The following PHACTR2 variants were observed in gnomAD, a reference collection of about 807,000 sequenced individuals.
The protein encoded by PHACTR2 is phosphatase and actin regulator 2.
Under a neutral mutation model 76.0 loss-of-function variants are expected in PHACTR2, and 30 were observed. The ratio of observed to expected loss-of-function variants is 0.39; its 90% confidence interval spans 0.30 to 0.54. The LOEUF (loss-of-function observed/expected upper bound fraction) is 0.54. PHACTR2 is among the 20% of genes least tolerant of loss of function. PHACTR2 has a pLI of 0.61. For missense variants in PHACTR2, 696 were observed against 781.1 expected, an observed-to-expected ratio of 0.89 and a Z score of 1.30; for synonymous variants, 292 against 292.5, an observed-to-expected ratio of 1.00 and a Z score of 0.02.
At chr6:143,797,793 G>T (rs1007589192) in intron 11 of PHACTR2, among the ~76,000 whole-genome samples, 1 of 152,166 alleles carries the variant, frequency 6.6e-6, no homozygotes, top group Non-Finnish European at 1.5e-5. Context: ...ATGCTGTTTT[G>T]GTTACTGTAG....
At chr6:143,715,500 C>T (rs888760767) in intron 2 of PHACTR2, among the ~76,000 whole-genome samples, 1 of 152,206 alleles carries the variant, frequency 6.6e-6, no homozygotes, top group African/African-American at 2.4e-5. Flanking sequence ...AGCATGTTAA[C>T]TCAAAATCCA....
intron 1 of PHACTR2, among the ~76,000 whole-genome samples, chr6:143,622,164 G>A (rs778827219): frequency 3.3e-5 from 5 of 152,116 alleles, no homozygotes; most frequent in Non-Finnish European, 5.9e-5. Context: ...AATGGAGGTG[G>A]ACAGCTAGGT....
chr6:143,681,372 G>A (rs1777384778), intron 1 of PHACTR2, among the ~76,000 whole-genome samples: 1 of 151,822 alleles, frequency 6.6e-6, no homozygotes, highest in Non-Finnish European at 1.5e-5. Context: ...ATCTTTTCAT[G>A]TGCTATTGGC....
chr6:143,577,768 G>A (rs1387525548), intron 1 of PHACTR2, among the ~76,000 whole-genome samples: 4 of 123,364 alleles, frequency 3.2e-5, no homozygotes, highest in Admixed American at 7.6e-5. Context: ...CCATATCGTC[G>A]ATGGAAAAAA....
chr6:143,713,705 T>G (rs1054772294), intron 2 of PHACTR2, among the ~76,000 whole-genome samples: 7 of 152,178 alleles, frequency 4.6e-5, no homozygotes. Flanking sequence ...GATTCTGTTG[T>G]TGGTCTCCAG....
intron 6 of PHACTR2, among the ~76,000 whole-genome samples, chr6:143,771,168 ATATATGTATATATATATATATGTG>A (rs1775108898): frequency 1.8e-4 from 5 of 28,034 alleles, no homozygotes; most frequent in African/African-American, 9.4e-4. Context: ...GTATATATAT[ATATATGTATATATATATATATGTG>A]TGTATATATA....
chr6:143,571,561 G>A lies in PHACTR2; in HGVS notation c.217+34354G>A, dbSNP rs1412292526. On this transcript the variant is annotated intron_variant, in intron 1 of 11. Coordinates refer to the PHACTR2 transcript ENST00000367584. The surrounding 1 kb of genome is among the most constrained non-coding windows in gnomAD (Gnocchi z 4.6). ...GCAGCTGGGACTACAGGTGTGCACTGCCACACCTGGTTAATTTTTTTTAAA... is the reference window on the plus strand; with the variant it reads ...GCAGCTGGGACTACAGGTGTGCACTACCACACCTGGTTAATTTTTTTTAAA... Among the ~76,000 whole-genome samples the A allele has an allele frequency of 2.0e-5, 3 of 151,968 alleles. No individual in the cohort carries two copies. The highest frequency in any genetic ancestry group is 7.3e-5 in the African/African-American group (3 of 41,318).
At chr6:143,673,949 C>T (rs1400847402), upstream of PHACTR2, among the ~76,000 whole-genome samples, 1 of 152,110 alleles carries the variant, frequency 6.6e-6, no homozygotes, top group East Asian at 1.9e-4. Context: ...GCCTGTCTTT[C>T]AGGTTTGTTT....
At position 143,608,587 on chromosome 6, in the gene PHACTR2, T is replaced by C. The variant is rs1359864228; in HGVS notation, c.13+265T>C. Among the ~76,000 whole-genome samples the C allele has an allele frequency of 1.3e-5, 2 of 152,178 alleles. No homozygotes were observed. The highest frequency in any genetic ancestry group is 4.8e-5 in the African/African-American group (2 of 41,432). The stretch of plus-strand genomic sequence containing the variant: ...ATTTAGGCTGAAGCAAGTGTGGTGT[T>C]TGATTCTTTTGTGCTCAGAGCGATG... On this transcript the variant is annotated intron_variant, in intron 1 of 11. Transcript: ENST00000305766. This position sits in a 1 kb window ranked among gnomAD's most constrained non-coding sequence, Gnocchi z 4.6.
rs911937851 is a variant in PHACTR2 at position 143,678,591 on chromosome 6, A to C, written c.46+382A>C. ...TTTCTGTATTTACGCTTGGCTTCCG[A>C]ACAGACTAGGACTGAATGCTTTCAA... On this transcript the variant is annotated intron_variant, in intron 1 of 12. Transcript: ENST00000440869. The surrounding 1 kb of genome is among the most constrained non-coding windows in gnomAD (Gnocchi z 6.2). Among the ~76,000 whole-genome samples, 3 of 152,240 alleles carry C rather than the reference A, an allele frequency of 2.0e-5. No homozygotes were observed. The highest frequency in any genetic ancestry group is 4.8e-5 in the African/African-American group (2 of 41,462).
rs766256587 is a variant in PHACTR2, at chr6:143,819,109, A to G, written c.1923-4565A>G. Among the ~76,000 whole-genome samples, 3 of 152,130 alleles carry G rather than the reference A, an allele frequency of 2.0e-5. No individual in the cohort carries two copies. The highest frequency in any genetic ancestry group is 4.4e-5 in the Non-Finnish European group (3 of 68,032). ...ATAGAATTATTTATAGAGCTAACAA[A>G]TAACTTCCTAGATACCCCTGTGTAT... On this transcript the variant is annotated intron_variant, in intron 12 of 12. Transcript: ENST00000440869. The surrounding 1 kb of genome is among the most constrained non-coding windows in gnomAD (Gnocchi z 5.0).
Position 143,627,749 on chromosome 6 carries a change from G to A in PHACTR2, c.13+19427G>A, listed in dbSNP as rs370627774. On this transcript the variant is annotated intron_variant, in intron 1 of 11. Coordinates refer to the PHACTR2 transcript ENST00000305766. This position sits in a 1 kb window ranked among gnomAD's most constrained non-coding sequence, Gnocchi z 4.3. ...CTCTAGTAGCTGGGACTACAGGCTC[G>A]TACCGCCACGCCCAGCTAATTTTTT... Among the ~76,000 whole-genome samples, 259 of 151,996 alleles carry A rather than the reference G, an allele frequency of 1.7e-3. 1 individual carries two copies. The highest frequency in any genetic ancestry group is 3.3e-3 in the Non-Finnish European group (227 of 67,958).
In PHACTR2 at chr6:143,777,221, A is replaced by G. The variant is rs886606265; in HGVS notation, c.1590-107A>G. 1 of 608,542 alleles carries G rather than the reference A, an allele frequency of 1.6e-6. No homozygotes were observed. The highest frequency in any genetic ancestry group is 2.8e-6 in the Non-Finnish European group (1 of 351,736). 37.7% of individuals were successfully genotyped at this position (608,542 alleles called of 1,614,324 possible). ...TTTTATTTTGCAGCTTTAAAAATGGATTTTTATTTCTCAAAACATGAAAAA... is the reference window on the plus strand; with the variant it reads ...TTTTATTTTGCAGCTTTAAAAATGGGTTTTTATTTCTCAAAACATGAAAAA... On this transcript the variant is annotated intron_variant, in intron 8 of 12. Coordinates refer to ENST00000440869, the MANE Select transcript of PHACTR2 (RefSeq NM_001100164.2). This position sits in a 1 kb window ranked among gnomAD's most constrained non-coding sequence, Gnocchi z 4.6.
chr6:143,636,834 G>A (rs114029567), intron 1 of PHACTR2, among the ~76,000 whole-genome samples: 218 of 152,320 alleles, frequency 1.4e-3, no homozygotes, highest in African/African-American at 4.6e-3. Flanking sequence ...TGGCTTCAAA[G>A]TCATTCATTA....
Position 143,775,989 on chromosome 6 carries a change from G to A in PHACTR2, c.1590-1339G>A, listed in dbSNP as rs1304910627. On this transcript the variant is annotated intron_variant, in intron 8 of 12. Coordinates refer to ENST00000440869, the MANE Select transcript of PHACTR2 (RefSeq NM_001100164.2). This position sits in a 1 kb window ranked among gnomAD's most constrained non-coding sequence, Gnocchi z 4.4. The stretch of plus-strand genomic sequence containing the variant: ...CTACTAAAAATACAAATATTAGCCA[G>A]CTATGATGACTGGCACCTGTAATCC... Among the ~76,000 whole-genome samples, 1 of 152,120 alleles carries A rather than the reference G, an allele frequency of 6.6e-6. No homozygotes were observed. The highest frequency in any genetic ancestry group is 1.5e-5 in the Non-Finnish European group (1 of 68,022).
chr6:143,691,158 T>C (rs895390503), intron 1 of PHACTR2, among the ~76,000 whole-genome samples: 3 of 152,164 alleles, frequency 2.0e-5, no homozygotes, highest in Non-Finnish European at 2.9e-5. Context: ...GGAAAACAAA[T>C]TATAGGTTAG....
rs1775782458 is a variant in PHACTR2 at position 143,598,964 on chromosome 6, A to AGC, written c.217+61757_217+61758insGC. The stretch of plus-strand genomic sequence containing the variant: ...TAGTAGATTAGTCCTTTGTAATTAA[A>AGC]TTTAGATAGCATCTCACCCCTGACT... On this transcript the variant is annotated intron_variant, in intron 1 of 11. Coordinates refer to the PHACTR2 transcript ENST00000367584. The surrounding 1 kb of genome is among the most constrained non-coding windows in gnomAD (Gnocchi z 4.1). Among the ~76,000 whole-genome samples the AGC allele has an allele frequency of 6.6e-6, 1 of 152,150 alleles. No individual in the cohort carries two copies. The highest frequency in any genetic ancestry group is 2.4e-5 in the African/African-American group (1 of 41,430).
intron 1 of PHACTR2, among the ~76,000 whole-genome samples, chr6:143,687,224 A>C (rs9399456): frequency 0.4 from 60,421 of 152,056 alleles, 12,427 homozygotes; most frequent in South Asian, 0.55. Context: ...TCTGAAATAG[A>C]AAATAATAAA....
chr6:143,716,418 T>C (rs1891389), intron 2 of PHACTR2, among the ~76,000 whole-genome samples: 93,972 of 151,972 alleles, frequency 0.62, 30,709 homozygotes, highest in African/African-American at 0.85. Flanking sequence ...CTCAATCTCC[T>C]GGCTTCAAGA....
Sources: allele counts gnomAD v4.1 joint callset (sites outside exome capture counted in the v4.1 genomes callset), GRCh38; gene constraint gnomAD v4.1.1; non-coding constraint Gnocchi (gnomAD v3.1); transcripts MANE v1.5; gene names NCBI Gene and HGNC (gene_info 2026-07-23, HGNC 2026-07-21).